The following GALNT17 variants were observed in gnomAD, a reference collection of about 807,000 sequenced individuals.
The protein encoded by GALNT17 is polypeptide N-acetylgalactosaminyltransferase 17.
In GALNT17, 29 loss-of-function variants were observed where a neutral mutation model predicts 63.7. The observed-to-expected ratio is 0.46, with a 90% CI of 0.34 to 0.62. GALNT17 has a LOEUF of 0.62. Ranked by LOEUF, GALNT17 falls within the 20% of genes least tolerant of loss-of-function variation. GALNT17 has a pLI of 0.01. For missense variants in GALNT17, 603 were observed against 799.6 expected, an observed-to-expected ratio of 0.75 and a Z score of 2.97; for synonymous variants, 305 against 318.3, an observed-to-expected ratio of 0.96 and a Z score of 0.45.
chr7:71,271,872 G>C (rs1391591101), intron 1 of GALNT17, among the ~76,000 whole-genome samples: 1 of 152,110 alleles, frequency 6.6e-6, no homozygotes, highest in Non-Finnish European at 1.5e-5. Context: ...CGATCCTCCC[G>C]CCTCAGCCTC....
intron 5 of GALNT17, among the ~76,000 whole-genome samples, chr7:71,524,536 A>C (rs1788593083): frequency 6.6e-6 from 1 of 152,094 alleles, no homozygotes; most frequent in Admixed American, 6.6e-5. Context: ...GAACTGGTTG[A>C]ATCGATGGCC....
At chr7:71,184,413 C>G (rs1319810128) in intron 1 of GALNT17, among the ~76,000 whole-genome samples, 1 of 152,186 alleles carries the variant, frequency 6.6e-6, no homozygotes, top group Non-Finnish European at 1.5e-5. Context: ...CTCTCCAGCT[C>G]TGCTCTCCTG....
intron 1 of GALNT17, among the ~76,000 whole-genome samples, chr7:71,170,817 G>A (rs966114769): frequency 6.6e-6 from 1 of 152,082 alleles, no homozygotes. Flanking sequence ...TACAGATCTG[G>A]GGTCATATGA....
chr7:71,303,385 A>G (rs920069201), intron 1 of GALNT17, among the ~76,000 whole-genome samples: 2 of 152,052 alleles, frequency 1.3e-5, no homozygotes, highest in African/African-American at 4.8e-5. Context: ...TATATCTTAT[A>G]TATACCACTT....
chr7:71,315,620 C>T (rs948360374), intron 1 of GALNT17, among the ~76,000 whole-genome samples: 3 of 152,088 alleles, frequency 2.0e-5, no homozygotes, highest in African/African-American at 7.2e-5. Context: ...GAAATGGAGA[C>T]TCTGAGAGTT....
intron 7 of GALNT17, among the ~76,000 whole-genome samples, chr7:71,668,640 C>G (rs1240294969): frequency 3.3e-5 from 5 of 151,724 alleles, no homozygotes; most frequent in South Asian, 2.1e-4. Flanking sequence ...AGGGATTTCC[C>G]TTTAAAGTCA....
chr7:71,448,909 G>C (rs1787207087), intron 5 of GALNT17, among the ~76,000 whole-genome samples: 1 of 151,934 alleles, frequency 6.6e-6, no homozygotes, highest in Non-Finnish European at 1.5e-5. Flanking sequence ...GTAGCCAGTG[G>C]GGGTAATGAC....
chr7:71,481,492 A>G (rs936012757), intron 5 of GALNT17, among the ~76,000 whole-genome samples: 2 of 152,146 alleles, frequency 1.3e-5, no homozygotes, highest in African/African-American at 4.8e-5. Context: ...GCCTGGCCAT[A>G]TGTGTGCTGG....
chr7:71,255,805 A>G (rs1790278420), intron 1 of GALNT17, among the ~76,000 whole-genome samples: 1 of 152,066 alleles, frequency 6.6e-6, no homozygotes, highest in East Asian at 1.9e-4. Flanking sequence ...TGGCCGAGAG[A>G]CTAGATACAT....
intron 1 of GALNT17, among the ~76,000 whole-genome samples, chr7:71,152,220 T>G (rs1016876817): frequency 6.6e-6 from 1 of 152,204 alleles, no homozygotes; most frequent in Non-Finnish European, 1.5e-5. Context: ...AAGAGCTTTT[T>G]CTTTTTTTTC....
intron 5 of GALNT17, among the ~76,000 whole-genome samples, chr7:71,516,585 G>C (rs80307082): frequency 0.02 from 3,058 of 152,274 alleles, 108 homozygotes; most frequent in African/African-American, 0.07. Context: ...GAATGCAGGA[G>C]GGGTGCAGGT....
intron 6 of GALNT17, among the ~76,000 whole-genome samples, chr7:71,631,691 G>T (rs1476808747): frequency 6.6e-6 from 1 of 152,132 alleles, no homozygotes; most frequent in African/African-American, 2.4e-5. Flanking sequence ...GAAGGAGGAG[G>T]ATGAACCATT....
At position 71,319,093 on chromosome 7, in the gene GALNT17, T is replaced by TCTTTCTTTCTTTCTTTCTTTC. The variant is rs747369973; in HGVS notation, c.239-16457_239-16456insCTTTCTTTCTTTCTTTCTTTC. On this transcript the variant is annotated intron_variant, in intron 1 of 10. Transcript: ENST00000333538. ...TCCTCAGCTTGCTGAGCTATTTTTG[T>TCTTTCTTTCTTTCTTTCTTTC]TTATCTTTCTTTCTTTCTTTCTTTC... 7.1e-4 allele frequency among the ~76,000 whole-genome samples: 106 copies of TCTTTCTTTCTTTCTTTCTTTC among 148,652 alleles called. 1 individual carries two copies. The highest frequency in any genetic ancestry group is 2.3e-3 in the African/African-American group (91 of 39,016).
chr7:71,397,470 C>G (rs995134750), intron 3 of GALNT17, among the ~76,000 whole-genome samples: 15 of 152,038 alleles, frequency 9.9e-5, no homozygotes, highest in African/African-American at 2.9e-4. Context: ...TTCCACTGAT[C>G]CAGGCAGTAG....
At chr7:71,355,539 C>CT (rs202185866) in intron 2 of GALNT17, among the ~76,000 whole-genome samples, 5,331 of 145,588 alleles carry the variant, frequency 0.037, 259 homozygotes, top group African/African-American at 0.11. Context: ...CAGAGAGTGT[C>CT]TTTTTTTTTT....
chr7:71,616,144 C>T (rs1202106604), intron 6 of GALNT17, among the ~76,000 whole-genome samples: 1 of 152,114 alleles, frequency 6.6e-6, no homozygotes, highest in Non-Finnish European at 1.5e-5. Context: ...GGGGCTTTGT[C>T]AGTGGTGAAG....
chr7:71,168,237 T>C (rs1483632385), intron 1 of GALNT17, among the ~76,000 whole-genome samples: 1 of 152,124 alleles, frequency 6.6e-6, no homozygotes, highest in Admixed American at 6.6e-5. Context: ...TAAGAAGTCT[T>C]GTAATCAGGT....
chr7:71,326,384 A>G (rs1791705179), intron 1 of GALNT17, among the ~76,000 whole-genome samples: 1 of 150,572 alleles, frequency 6.6e-6, no homozygotes, highest in African/African-American at 2.5e-5. Flanking sequence ...CCTCGAGCCC[A>G]GTAGCTCAAG....
intron 1 of GALNT17, among the ~76,000 whole-genome samples, chr7:71,306,628 A>G (rs1191841618): frequency 6.6e-6 from 1 of 152,190 alleles, no homozygotes; most frequent in Admixed American, 6.5e-5. Context: ...TGGTGCAAAA[A>G]TAATTGCTGT....
Sources: gnomAD v4.1 joint callset for allele counts (sites outside exome capture counted in the v4.1 genomes callset) on GRCh38, gnomAD v4.1.1 for gene constraint, MANE v1.5 for transcripts, NCBI Gene and HGNC (gene_info 2026-07-23, HGNC 2026-07-21) for gene names.